Variants in SLC12A8 observed in about 807,000 individuals in gnomAD.
SLC12A8 encodes cation-chloride cotransporter 9.
In SLC12A8, 69 loss-of-function variants were observed where a neutral mutation model predicts 75.6. The ratio of observed to expected loss-of-function variants is 0.91; its 90% CI spans 0.75 to 1.11. The LOEUF (loss-of-function observed/expected upper bound fraction) is 1.11. Among genes scored for constraint, SLC12A8 ranks in the 50% most tolerant of loss-of-function variants. SLC12A8 has a pLI of 0.00. For synonymous variants in SLC12A8, 365 were observed against 372.8 expected, an observed-to-expected ratio of 0.98 and a Z score of 0.24; for missense variants, 877 against 896.7, an observed-to-expected ratio of 0.98 and a Z score of 0.28.
Position 125,150,472 on chromosome 3 carries a change from C to T in SLC12A8, c.623-14690G>A, listed in dbSNP as rs1933892726. Among the ~76,000 whole-genome samples the T allele has an allele frequency of 5.3e-5, 8 of 152,262 alleles. No individual in the cohort carries two copies. In the South Asian group the frequency reaches 1.7e-3, roughly 32 times the overall value. On this transcript the variant is annotated intron_variant, in intron 5 of 13. Coordinates refer to ENST00000469902, the MANE Select transcript of SLC12A8 (RefSeq NM_024628.6). ...TAAATCCCATATACGTAGTAGTTTC[C>T]AAATCTGAATGTACATAAGAATTTC...
chr3:125,161,632 T>C (rs1934170029), intron 5 of SLC12A8, among the ~76,000 whole-genome samples: 1 of 151,522 alleles, frequency 6.6e-6, no homozygotes, highest in Non-Finnish European at 1.5e-5. Flanking sequence ...TTTACTCACT[T>C]ACATCTGTGC....
At chr3:125,112,932 T>C (rs998859019) in intron 8 of SLC12A8, among the ~76,000 whole-genome samples, 5 of 152,206 alleles carry the variant, frequency 3.3e-5, no homozygotes, top group Admixed American at 1.3e-4. Context: ...GCACAACACA[T>C]TGTAGCCACT....
At chr3:125,085,308 C>T (rs1404589534) in intron 13 of SLC12A8, among the ~76,000 whole-genome samples, 1 of 152,170 alleles carries the variant, frequency 6.6e-6, no homozygotes, top group East Asian at 1.9e-4. Context: ...ACTCTCTAGT[C>T]TAGAATGACT....
rs575865965 is a variant in SLC12A8, at chr3:125,099,569, G to A, written c.1706-7371C>T. Among the ~76,000 whole-genome samples the A allele has an allele frequency of 2.0e-4, 30 of 152,180 alleles. 1 individual carries two copies. The highest frequency in any genetic ancestry group is 8.3e-4 in the South Asian group (4 of 4,822). On this transcript the variant is annotated intron_variant, in intron 10 of 13. Transcript: ENST00000469902. ...ATATATTTAAAGAATTAAAGAAAAC[G>A]ATAATGTTAATGAGAAAAAAATTCG...
intron 5 of SLC12A8, among the ~76,000 whole-genome samples, chr3:125,164,472 C>T (rs776355391): frequency 3.3e-5 from 5 of 152,232 alleles, no homozygotes; most frequent in Non-Finnish European, 7.3e-5. Context: ...TCCACACCCA[C>T]AACTAAGCAG....
chr3:125,165,770 G>T (rs1215277096), intron 5 of SLC12A8, among the ~76,000 whole-genome samples: 2 of 152,034 alleles, frequency 1.3e-5, no homozygotes, highest in Non-Finnish European at 2.9e-5. Flanking sequence ...GGCCAGCACC[G>T]TGCATCCTAG....
At chr3:125,144,998 T>C (rs1210537202) in intron 5 of SLC12A8, among the ~76,000 whole-genome samples, 2 of 152,132 alleles carry the variant, frequency 1.3e-5, no homozygotes, top group Non-Finnish European at 2.9e-5. Flanking sequence ...CCCCAAGTCC[T>C]ACCCAAGAAA....
chr3:125,155,596 C>T (rs1303923016), intron 5 of SLC12A8, among the ~76,000 whole-genome samples: 1 of 59,016 alleles, frequency 1.7e-5, no homozygotes. Context: ...ACGGTGAAAC[C>T]CTGTCTCTAC....
chr3:125,084,600 A>C (rs1043053417), intron 13 of SLC12A8, among the ~76,000 whole-genome samples: 6 of 152,260 alleles, frequency 3.9e-5, no homozygotes, highest in African/African-American at 1.4e-4. Context: ...TCCCACTGTC[A>C]CTGGAGTCTC....
intron 5 of SLC12A8, among the ~76,000 whole-genome samples, chr3:125,150,932 C>A (rs933162865): frequency 6.6e-6 from 1 of 152,152 alleles, no homozygotes; most frequent in African/African-American, 2.4e-5. Flanking sequence ...TTCTTACAAT[C>A]CAGATTCCCG....
chr3:125,114,866 T>G (rs1939270689), intron 8 of SLC12A8, among the ~76,000 whole-genome samples: 1 of 152,236 alleles, frequency 6.6e-6, no homozygotes, highest in East Asian at 1.9e-4. Context: ...GTATACGAGT[T>G]TATTCTGAAA....
At chr3:125,153,895 G>A (rs1483417719) in intron 5 of SLC12A8, among the ~76,000 whole-genome samples, 3 of 152,138 alleles carry the variant, frequency 2.0e-5, no homozygotes, top group Admixed American at 6.5e-5. Context: ...TTACAGGCGC[G>A]TGACACCACA....
At chr3:125,183,485 C>T (rs1934707852) in intron 4 of SLC12A8, among the ~76,000 whole-genome samples, 1 of 152,108 alleles carries the variant, frequency 6.6e-6, no homozygotes, top group African/African-American at 2.4e-5. Flanking sequence ...AGGCATTTTC[C>T]TTCCACCTTA....
At chr3:125,186,401 A>G (rs554998093) in intron 4 of SLC12A8, among the ~76,000 whole-genome samples, 1 of 152,238 alleles carries the variant, frequency 6.6e-6, no homozygotes, top group Admixed American at 6.5e-5. Context: ...ATGCTGAAAC[A>G]CCCTGCTCCT....
chr3:125,164,949 G>C (rs946643462), intron 5 of SLC12A8, among the ~76,000 whole-genome samples: 7 of 152,220 alleles, frequency 4.6e-5, no homozygotes, highest in Non-Finnish European at 8.8e-5. Flanking sequence ...TGGAGGCCAG[G>C]CTGTGAGGCT....
Position 125,187,248 on chromosome 3 carries a change from C to T in SLC12A8, c.379G>A (p.Val127Met), listed in dbSNP as rs1934806716. 6.2e-7 allele frequency: 1 copy of T among 1,614,150 alleles called. No individual in the cohort carries two copies. The highest frequency in any genetic ancestry group is 8.5e-7 in the Non-Finnish European group (1 of 1,179,998). The change falls in exon 4 of 14, where the codon GTG (valine) becomes ATG (methionine). Residue 127 changes from valine (V) to methionine (M), a missense_variant. Coordinates refer to ENST00000469902, the MANE Select transcript of SLC12A8 (RefSeq NM_024628.6). ...QTGGTIGLLY[V>M]FGQCVAGAMY... ...GGCGCAGGCCTCACCTGTCCAAACA[C>T]ATAGAGCAGCCCGATGGTGCCTCCC...
intron 2 of SLC12A8, among the ~76,000 whole-genome samples, chr3:125,194,700 T>C (rs1032003777): frequency 1.3e-5 from 2 of 152,224 alleles, no homozygotes; most frequent in African/African-American, 2.4e-5. Context: ...GAAATTCTGC[T>C]TCTGTCCATT....
At position 125,088,383 on chromosome 3, in the gene SLC12A8, C is replaced by G. The variant is rs1486062019; in HGVS notation, c.1922-13G>C. ...TTGGAGGCTGATCCTGCAGGGAAGA[C>G]ATATACATAACCATTTTTGAAGGTT... On this transcript the variant is annotated splice_polypyrimidine_tract_variant and intron_variant, in intron 12 of 13. Coordinates refer to ENST00000469902, the MANE Select transcript of SLC12A8 (RefSeq NM_024628.6). 3 of 1,614,018 alleles carry G rather than the reference C, an allele frequency of 1.9e-6. No homozygotes were observed. The highest frequency in any genetic ancestry group is 2.5e-6 in the Non-Finnish European group (3 of 1,179,912).
chr3:125,125,165 G>T (rs1385377796), intron 6 of SLC12A8, among the ~76,000 whole-genome samples: 3 of 146,240 alleles, frequency 2.1e-5, no homozygotes, highest in South Asian at 2.2e-4. Context: ...CATTATTAAA[G>T]TTCCACAGAG....
Sources: allele counts gnomAD v4.1 joint callset (sites outside exome capture counted in the v4.1 genomes callset), GRCh38; gene constraint gnomAD v4.1.1; transcripts MANE v1.5; gene names NCBI Gene and HGNC (gene_info 2026-07-23, HGNC 2026-07-21).